Variants in PARD3B observed in about 807,000 individuals in gnomAD.
PARD3B encodes partitioning defective 3 homolog B.
Under a neutral mutation model 130.2 loss-of-function variants are expected in PARD3B, and 103 were observed. That is an observed-to-expected ratio of 0.79 (90% CI 0.67 to 0.93). The LOEUF is 0.93. Among genes scored for constraint, PARD3B ranks in the 40% least tolerant of loss-of-function variants. PARD3B has a pLI of 0.00. For synonymous variants in PARD3B, 583 were observed against 553.2 expected (o/e 1.05, Z -0.76); for missense variants, 1,609 against 1,499.2 (o/e 1.07, Z -1.21).
chr2:204,987,349 A>G (rs1018155554), intron 3 of PARD3B, among the ~76,000 whole-genome samples: 10 of 152,248 alleles, frequency 6.6e-5, no homozygotes, highest in African/African-American at 2.2e-4. Context: ...TTGAATTCTG[A>G]AAATATTGCC....
In PARD3B at chr2:205,534,108, A is replaced by ATAAC. The variant is rs532142537; in HGVS notation, c.3181-19213_3181-19210dup. ...ACATGCATGTTTAGGAAAGTGGTTT[A>ATAAC]TAACTATTATTTCACTTGATCAAAT... On this transcript the variant is annotated intron_variant, in intron 21 of 22. Transcript: ENST00000406610. 5.9e-5 allele frequency among the ~76,000 whole-genome samples: 9 copies of ATAAC among 151,474 alleles called. No individual in the cohort carries two copies. In the East Asian group the frequency reaches 1.7e-3, roughly 29 times the overall value.
chr2:205,118,158 C>G (rs55917475), intron 6 of PARD3B, among the ~76,000 whole-genome samples: 5,799 of 152,248 alleles, frequency 0.038, 216 homozygotes, highest in African/African-American at 0.1. Context: ...TAGATGCCCC[C>G]CTCCAGGTCC....
intron 2 of PARD3B, among the ~76,000 whole-genome samples, chr2:204,841,884 C>G (rs1455702518): frequency 6.7e-6 from 1 of 149,654 alleles, no homozygotes; most frequent in Non-Finnish European, 1.5e-5. Context: ...GTCAACACAA[C>G]TTTAAAATAA....
intron 22 of PARD3B, among the ~76,000 whole-genome samples, chr2:205,581,575 G>T (rs2053991338): frequency 6.7e-6 from 1 of 149,440 alleles, no homozygotes; most frequent in African/African-American, 2.5e-5. Context: ...CAATAATTTA[G>T]TATATATTTT....
rs775216546 is a variant in PARD3B, at chr2:205,258,524, T to C, written c.2185+12702T>C. Among the ~76,000 whole-genome samples, 1 of 152,188 alleles carries C rather than the reference T, an allele frequency of 6.6e-6. No individual in the cohort carries two copies. Among genetic ancestry groups the C allele is most frequent in the Non-Finnish European group, 1.5e-5 (1 of 68,034 alleles). On this transcript the variant is annotated intron_variant, in intron 16 of 22. Transcript: ENST00000406610. This position sits in a 1 kb window ranked among gnomAD's most constrained non-coding sequence, Gnocchi z 4.9. ...CAGTCTGTAGTAAATGTGTGTGCAT[T>C]TATTGATGTATGTAACCTACTGTCT...
chr2:205,179,548 T>C (rs986322262), intron 13 of PARD3B, among the ~76,000 whole-genome samples: 1 of 152,182 alleles, frequency 6.6e-6, no homozygotes, highest in Non-Finnish European at 1.5e-5. Context: ...TGTGTTGTAA[T>C]TGCCTGTAGT....
At chr2:205,326,665 G>A (rs1415885068) in intron 18 of PARD3B, among the ~76,000 whole-genome samples, 1 of 152,068 alleles carries the variant, frequency 6.6e-6, no homozygotes, top group Non-Finnish European at 1.5e-5. Context: ...ATAATTAAAT[G>A]ATTAAAAGGT....
At chr2:204,832,030 G>T (rs541271750) in intron 2 of PARD3B, among the ~76,000 whole-genome samples, 1 of 152,236 alleles carries the variant, frequency 6.6e-6, no homozygotes, top group East Asian at 1.9e-4. Context: ...AGAGCATCCT[G>T]GCTAACACGG....
At chr2:205,066,949 C>T (rs1700419519) in intron 4 of PARD3B, among the ~76,000 whole-genome samples, 1 of 151,804 alleles carries the variant, frequency 6.6e-6, no homozygotes, top group South Asian at 2.1e-4. Flanking sequence ...CCATGCAGTG[C>T]GTGAGGGGAA....
intron 1 of PARD3B, 47 bp downstream of exon 1, chr2:204,546,166 T>A (rs927391287): frequency 6.5e-7 from 1 of 1,547,804 alleles, no homozygotes; most frequent in Non-Finnish European, 8.7e-7. Flanking sequence ...CCAAGGCACC[T>A]GCCAGGTGCG....
intron 4 of PARD3B, chr2:205,048,272 C>G (rs1430878814): frequency 6.6e-6 from 1 of 152,178 alleles, no homozygotes; most frequent in East Asian, 1.9e-4. Flanking sequence ...ATGTGTAGAA[C>G]TCAGCATTCA....
chr2:205,089,594 A>C (rs1334432169), intron 4 of PARD3B, among the ~76,000 whole-genome samples: 1 of 152,198 alleles, frequency 6.6e-6, no homozygotes, highest in Non-Finnish European at 1.5e-5. Context: ...ACTTCAGCCT[A>C]GTGCTGTACA....
intron 2 of PARD3B, among the ~76,000 whole-genome samples, chr2:204,870,453 C>T (rs2045589664): frequency 6.6e-6 from 1 of 152,094 alleles, no homozygotes; most frequent in Non-Finnish European, 1.5e-5. Flanking sequence ...GAAGCTCTAT[C>T]CTTCTGCTAG....
chr2:205,300,981 A>G lies in PARD3B; in HGVS notation c.2392+245A>G, dbSNP rs1162501939. Among the ~76,000 whole-genome samples the G allele has an allele frequency of 6.6e-6, 1 of 152,234 alleles. No homozygotes were observed. The highest frequency in any genetic ancestry group is 1.5e-5 in the Non-Finnish European group (1 of 68,042). On this transcript the variant is annotated intron_variant, in intron 17 of 22. Transcript: ENST00000406610. The surrounding 1 kb of genome is among the most constrained non-coding windows in gnomAD (Gnocchi z 4.1). ...AATAAATGTTCTCCTTCACTTTTCT[A>G]CAAGGACCAACTGTCATTTACCCTT...
intron 1 of PARD3B, among the ~76,000 whole-genome samples, chr2:204,592,940 T>A (rs1043399905): frequency 1.3e-4 from 20 of 152,372 alleles, no homozygotes; most frequent in African/African-American, 4.3e-4. Flanking sequence ...TTCAACCATG[T>A]TGTAGCATGT....
intron 1 of PARD3B, among the ~76,000 whole-genome samples, chr2:204,665,794 A>G (rs936721494): frequency 6.6e-6 from 1 of 152,242 alleles, no homozygotes; most frequent in Non-Finnish European, 1.5e-5. Flanking sequence ...GAGATCTAAC[A>G]TAGGCATCGA....
At chr2:204,609,284 C>T (rs1278190420) in intron 1 of PARD3B, among the ~76,000 whole-genome samples, 1 of 152,128 alleles carries the variant, frequency 6.6e-6, no homozygotes, top group Non-Finnish European at 1.5e-5. Flanking sequence ...AAAATGGCAT[C>T]TCGGAAGGAT....
chr2:205,002,981 C>T (rs1284885289), intron 3 of PARD3B, among the ~76,000 whole-genome samples: 1 of 152,164 alleles, frequency 6.6e-6, no homozygotes, highest in Non-Finnish European at 1.5e-5. Context: ...TTGCACTGGT[C>T]GAAGGTTGTT....
At chr2:205,102,815 C>T (rs1702876448) in intron 4 of PARD3B, among the ~76,000 whole-genome samples, 1 of 152,024 alleles carries the variant, frequency 6.6e-6, no homozygotes, top group Non-Finnish European at 1.5e-5. Flanking sequence ...CCTGTAATCC[C>T]AGCACTTGGG....
Sources: allele counts gnomAD v4.1 joint callset (sites outside exome capture counted in the v4.1 genomes callset), GRCh38; gene constraint gnomAD v4.1.1; non-coding constraint Gnocchi (gnomAD v3.1); transcripts MANE v1.5; gene names NCBI Gene and HGNC (gene_info 2026-07-23, HGNC 2026-07-21).